Variants in KIAA1549L observed in about 807,000 individuals in gnomAD.
KIAA1549L encodes UPF0606 protein KIAA1549L.
In KIAA1549L, 88 loss-of-function variants were observed where a neutral mutation model predicts 160.7. The ratio of observed to expected loss-of-function variants is 0.55; its 90% confidence interval spans 0.46 to 0.65. KIAA1549L has a LOEUF of 0.65. Among genes scored for constraint, KIAA1549L ranks in the 30% least tolerant of loss-of-function variants. The pLI is 0.00. For synonymous variants in KIAA1549L, 950 were observed against 976.7 expected (o/e 0.97, Z 0.51); for missense variants, 2,258 against 2,437.5 (o/e 0.93, Z 1.55).
intron 1 of KIAA1549L, among the ~76,000 whole-genome samples, chr11:33,397,071 G>A (rs532983587): frequency 4.6e-4 from 70 of 151,838 alleles, no homozygotes; most frequent in African/African-American, 1.6e-3. Flanking sequence ...GGTAGCTCAC[G>A]CCTGCAATCC....
chr11:33,533,839 ATC>A (rs1853832501), intron 1 of KIAA1549L, among the ~76,000 whole-genome samples: 1 of 152,096 alleles, frequency 6.6e-6, no homozygotes, highest in African/African-American at 2.4e-5. Context: ...ACGTAAATCC[ATC>A]TCTGTTTCCT....
chr11:33,603,824 A>C (rs946714366), intron 13 of KIAA1549L, among the ~76,000 whole-genome samples: 4 of 151,852 alleles, frequency 2.6e-5, no homozygotes, highest in Non-Finnish European at 5.9e-5. Context: ...AAAGAAAGAA[A>C]AAAGAAGGCC....
chr11:33,535,039 A>C (rs1853863096), intron 1 of KIAA1549L, among the ~76,000 whole-genome samples: 1 of 152,218 alleles, frequency 6.6e-6, no homozygotes, highest in African/African-American at 2.4e-5. Flanking sequence ...ACAGGGCTGC[A>C]TACATGGTAT....
chr11:33,383,270 TTTC>T (rs753626955), intron 1 of KIAA1549L, among the ~76,000 whole-genome samples: 5 of 149,028 alleles, frequency 3.4e-5, no homozygotes, highest in African/African-American at 2.5e-5. Context: ...GTTTTCTTTC[TTTC>T]TTTTTTTTTT....
chr11:33,610,471 T>C (rs1312748131), intron 15 of KIAA1549L, among the ~76,000 whole-genome samples: 1 of 152,234 alleles, frequency 6.6e-6, no homozygotes, highest in East Asian at 1.9e-4. Flanking sequence ...TCACCTGCTA[T>C]GTATTAGGTA....
intron 1 of KIAA1549L, among the ~76,000 whole-genome samples, chr11:33,516,813 C>T (rs934947664): frequency 3.3e-5 from 5 of 152,186 alleles, no homozygotes; most frequent in African/African-American, 1.2e-4. Context: ...TGTCTAAGCT[C>T]CCCAGAATTA....
chr11:33,381,497 T>C (rs1345725877), intron 1 of KIAA1549L, among the ~76,000 whole-genome samples: 3 of 152,142 alleles, frequency 2.0e-5, no homozygotes, highest in African/African-American at 7.2e-5. Context: ...TAGAATTGAA[T>C]GAGCAAAGGG....
intron 8 of KIAA1549L, among the ~76,000 whole-genome samples, chr11:33,562,109 C>T (rs915438738): frequency 3.9e-5 from 6 of 152,126 alleles, no homozygotes; most frequent in African/African-American, 1.2e-4. Context: ...AGAGGAAGGC[C>T]GGGCATGCAC....
intron 1 of KIAA1549L, among the ~76,000 whole-genome samples, chr11:33,498,837 G>A (rs1764758793): frequency 6.6e-6 from 1 of 152,144 alleles, no homozygotes; most frequent in African/African-American, 2.4e-5. Context: ...CTGCAGAGGG[G>A]CGAGGAAAAG....
chr11:33,435,838 GTA>G (rs1424822150), intron 1 of KIAA1549L, among the ~76,000 whole-genome samples: 3 of 35,922 alleles, frequency 8.4e-5, no homozygotes, highest in Admixed American at 3.7e-4. Context: ...ATATGTATAT[GTA>G]TATGTGTGTG....
intron 16 of KIAA1549L, among the ~76,000 whole-genome samples, chr11:33,644,961 C>T (rs904692306): frequency 2.6e-5 from 4 of 152,250 alleles, no homozygotes; most frequent in African/African-American, 7.2e-5. Context: ...ACCGTCCATG[C>T]AGCCTGTTCT....
chr11:33,598,687 G>C, intron 12 of KIAA1549L, 133 bp from the exon 13 acceptor site: 1 of 1,123,910 alleles, frequency 8.9e-7, no homozygotes, highest in Non-Finnish European at 1.3e-6. Context: ...TTCTTTTTCT[G>C]TATCGTTTCC....
chr11:33,453,902 A>G (rs1242979964), intron 1 of KIAA1549L, among the ~76,000 whole-genome samples: 1 of 152,216 alleles, frequency 6.6e-6, no homozygotes, highest in South Asian at 2.1e-4. Context: ...CCAGGTGAAT[A>G]GTGCCAGGCA....
At chr11:33,494,037 A>G (rs1377328944) in intron 1 of KIAA1549L, among the ~76,000 whole-genome samples, 1 of 152,216 alleles carries the variant, frequency 6.6e-6, no homozygotes, top group Non-Finnish European at 1.5e-5. Flanking sequence ...GAAGGGTAGG[A>G]CCACTGCCAG....
At chr11:33,614,142 G>T (rs1257420063) in intron 15 of KIAA1549L, among the ~76,000 whole-genome samples, 1 of 152,150 alleles carries the variant, frequency 6.6e-6, no homozygotes, top group Non-Finnish European at 1.5e-5. Context: ...AAGGGAACTG[G>T]AAGCGTAAGT....
chr11:33,395,733 A>AT (rs1017381959), intron 1 of KIAA1549L, among the ~76,000 whole-genome samples: 17 of 151,300 alleles, frequency 1.1e-4, no homozygotes, highest in Admixed American at 2.6e-4. Flanking sequence ...TCAAGATAAG[A>AT]TTTTTTTTTC....
chr11:33,399,832 A>G (rs888008311), intron 1 of KIAA1549L, among the ~76,000 whole-genome samples: 5 of 152,212 alleles, frequency 3.3e-5, no homozygotes, highest in African/African-American at 1.2e-4. Flanking sequence ...TGAAGAAGAT[A>G]GGAGGAGATG....
At chr11:33,483,596 C>T (rs1326538988) in intron 1 of KIAA1549L, among the ~76,000 whole-genome samples, 2 of 152,084 alleles carry the variant, frequency 1.3e-5, no homozygotes, top group African/African-American at 2.4e-5. Context: ...TGTCCCTACC[C>T]AAATCTCATC....
At chr11:33,621,648 A>G (rs1299166292) in intron 16 of KIAA1549L, among the ~76,000 whole-genome samples, 1 of 151,942 alleles carries the variant, frequency 6.6e-6, no homozygotes, top group African/African-American at 2.4e-5. Flanking sequence ...GAAAATAATG[A>G]AGCAGTAAGG....
Sources: allele counts gnomAD v4.1 joint callset (sites outside exome capture counted in the v4.1 genomes callset), GRCh38; gene constraint gnomAD v4.1.1; transcripts MANE v1.5; gene names NCBI Gene and HGNC (gene_info 2026-07-23, HGNC 2026-07-21).